The following PPP2R5E variants were observed in gnomAD, a reference collection of about 807,000 sequenced individuals.
PPP2R5E encodes the protein protein phosphatase 2 regulatory subunit B'epsilon, also known as serine/threonine-protein phosphatase 2A 56 kDa regulatory subunit epsilon isoform.
A neutral mutation model predicts 65.3 loss-of-function variants in PPP2R5E; 4 were observed. The ratio of observed to expected loss-of-function variants is 0.06; its 90% CI spans 0.03 to 0.14. PPP2R5E has a LOEUF of 0.14. Among genes scored for constraint, PPP2R5E ranks in the 10% least tolerant of loss-of-function variants. The pLI is 1.00. For missense variants in PPP2R5E, 274 were observed against 556.1 expected (o/e 0.49, Z 5.10); for synonymous variants, 183 against 187.4 (o/e 0.98, Z 0.19).
chr14:63,522,043 G>C (rs1384709186), intron 2 of PPP2R5E, among the ~76,000 whole-genome samples: 1 of 142,896 alleles, frequency 7.0e-6, no homozygotes, highest in African/African-American at 2.6e-5. Context: ...CAACCTCCCT[G>C]CCTGATTCTC....
rs541647354 is a variant in PPP2R5E, at chr14:63,526,779, ACTC to A, written c.157+12747_157+12749del. On this transcript the variant is annotated intron_variant, in intron 2 of 13. Transcript: ENST00000337537. ...GCCATGCTTCCCAGGCTGGTCTTGA[ACTC>A]CTGGGCTCAAGCGATCCTCCCACCT... Among the ~76,000 whole-genome samples, 3 of 151,978 alleles carry A rather than the reference ACTC, an allele frequency of 2.0e-5. No individual in the cohort carries two copies. In the South Asian group the frequency reaches 6.2e-4, roughly 32 times the overall value.
chr14:63,467,711 G>A (rs895353886), intron 2 of PPP2R5E, among the ~76,000 whole-genome samples: 2 of 152,196 alleles, frequency 1.3e-5, no homozygotes, highest in African/African-American at 4.8e-5. Flanking sequence ...AGCATAATTG[G>A]GAACTTGAAA....
intron 2 of PPP2R5E, among the ~76,000 whole-genome samples, chr14:63,490,283 AAATG>A (rs1438564715): frequency 2.0e-5 from 3 of 152,130 alleles, no homozygotes; most frequent in Non-Finnish European, 4.4e-5. Flanking sequence ...AATTAACTCA[AAATG>A]GATTAAGGAC....
At chr14:63,402,452 A>G (rs1293660970) in intron 5 of PPP2R5E, among the ~76,000 whole-genome samples, 1 of 152,222 alleles carries the variant, frequency 6.6e-6, no homozygotes, top group African/African-American at 2.4e-5. Context: ...AACATAAAAG[A>G]CCACAACAAA....
At chr14:63,446,501 T>C (rs1448980208) in intron 3 of PPP2R5E, among the ~76,000 whole-genome samples, 62 of 152,220 alleles carry the variant, frequency 4.1e-4, no homozygotes, top group Non-Finnish European at 1.5e-5. Flanking sequence ...CCTTGACCCA[T>C]GAGCTGAAGA....
intron 2 of PPP2R5E, among the ~76,000 whole-genome samples, chr14:63,531,960 C>T (rs1344156898): frequency 6.6e-6 from 1 of 151,964 alleles, no homozygotes; most frequent in Non-Finnish European, 1.5e-5. Context: ...TCTCAAAACA[C>T]ACACACACAC....
intron 11 of PPP2R5E, among the ~76,000 whole-genome samples, chr14:63,385,603 T>C (rs930868229): frequency 6.6e-6 from 1 of 152,058 alleles, no homozygotes; most frequent in Non-Finnish European, 1.5e-5. Context: ...GAGCGGCCAA[T>C]ATTTACTAAG....
At position 63,391,961 on chromosome 14, in the gene PPP2R5E, A is replaced by G. The variant is rs192959225; in HGVS notation, c.903+11T>C. 7.9e-4 allele frequency: 1,265 copies of G among 1,610,346 alleles called. 7 individuals are homozygous for G. In the Middle Eastern group the frequency reaches 0.02, roughly 25 times the overall value. ...TTCTTAAGTTTTTGAAATTATGGAA[A>G]AAAGACTTACTGGTTCTGTGAGTGA... On this transcript the variant is annotated intron_variant, in intron 9 of 13. Coordinates refer to ENST00000337537, the MANE Select transcript of PPP2R5E (RefSeq NM_006246.5).
intron 10 of PPP2R5E, among the ~76,000 whole-genome samples, chr14:63,391,550 G>C (rs1388620149): frequency 1.3e-5 from 2 of 152,086 alleles, no homozygotes; most frequent in African/African-American, 2.4e-5. Context: ...CAGCCTCCCG[G>C]GTAGCTGGGA....
At chr14:63,405,462 GA>G (rs1886013375) in intron 5 of PPP2R5E, among the ~76,000 whole-genome samples, 1 of 152,150 alleles carries the variant, frequency 6.6e-6, no homozygotes, top group South Asian at 2.1e-4. Flanking sequence ...TGATTTGCAT[GA>G]TCTGCATAAT....
chr14:63,386,828 G>A (rs1442541941), intron 11 of PPP2R5E, among the ~76,000 whole-genome samples: 1 of 151,506 alleles, frequency 6.6e-6, no homozygotes, highest in East Asian at 1.9e-4. Flanking sequence ...GGAGGCTGAG[G>A]CACAAGAATC....
chr14:63,386,357 G>A lies in PPP2R5E; in HGVS notation c.1075-1786C>T, dbSNP rs748276675. On this transcript the variant is annotated intron_variant, in intron 11 of 13. Coordinates refer to ENST00000337537, the MANE Select transcript of PPP2R5E (RefSeq NM_006246.5). ...GTTGGTACCATTACTTTTCTATTTT[G>A]TGGATGAAGAATCTGAGACTCAGAG... Among the ~76,000 whole-genome samples, 8 of 152,212 alleles carry A rather than the reference G, an allele frequency of 5.3e-5. 1 individual carries two copies. The South Asian group carries it at 8.3e-4, about 16-fold the overall frequency.
chr14:63,396,525 C>G, intron 6 of PPP2R5E, 61 bp downstream of exon 6: 1 of 1,576,274 alleles, frequency 6.3e-7, no homozygotes, highest in South Asian at 1.1e-5. Flanking sequence ...TTGAGATTTA[C>G]TTAATACTCA....
At chr14:63,377,410 T>A in intron 13 of PPP2R5E, among the ~76,000 whole-genome samples, 1 of 152,184 alleles carries the variant, frequency 6.6e-6, no homozygotes, top group South Asian at 2.1e-4. Context: ...TTAAAAGTTA[T>A]ATTAATATCT....
At chr14:63,393,219 T>C (rs1389450014) in intron 8 of PPP2R5E, among the ~76,000 whole-genome samples, 1 of 152,190 alleles carries the variant, frequency 6.6e-6, no homozygotes, top group Non-Finnish European at 1.5e-5. Flanking sequence ...TGCATTTTAT[T>C]ATATGTAATA....
At position 63,395,298 on chromosome 14, in the gene PPP2R5E, G is replaced by A. The variant is rs1885256135; in HGVS notation, c.681-13C>T. On this transcript the variant is annotated splice_polypyrimidine_tract_variant and intron_variant, in intron 6 of 13. Transcript: ENST00000337537. The stretch of plus-strand genomic sequence containing the variant: ...TTCATAAACAAACCTGAGAGAAGAG[G>A]AGAAAAGGGAGGAGAAAGGAGGAGA... The A allele has an allele frequency of 1.3e-6, 2 of 1,573,854 alleles. No homozygotes were observed. Among genetic ancestry groups the A allele is most frequent in the Non-Finnish European group, 1.7e-6 (2 of 1,149,036 alleles).
At chr14:63,505,433 C>T (rs1333353233) in intron 2 of PPP2R5E, among the ~76,000 whole-genome samples, 2 of 152,174 alleles carry the variant, frequency 1.3e-5, no homozygotes, top group Non-Finnish European at 2.9e-5. Context: ...CCCATAAACA[C>T]CATGGTCATT....
At chr14:63,413,567 T>C (rs912647409) in intron 5 of PPP2R5E, among the ~76,000 whole-genome samples, 6 of 152,112 alleles carry the variant, frequency 3.9e-5, no homozygotes, top group South Asian at 2.1e-4. Flanking sequence ...AGGGAGGGCA[T>C]AAAAATTTAG....
At chr14:63,505,357 G>A (rs553285909) in intron 2 of PPP2R5E, among the ~76,000 whole-genome samples, 1 of 152,248 alleles carries the variant, frequency 6.6e-6, no homozygotes, top group African/African-American at 2.4e-5. Flanking sequence ...GCCAAAAGCA[G>A]CTTTACACCT....
Sources: allele counts gnomAD v4.1 joint callset (sites outside exome capture counted in the v4.1 genomes callset), GRCh38; gene constraint gnomAD v4.1.1; transcripts MANE v1.5; gene names NCBI Gene and HGNC (gene_info 2026-07-23, HGNC 2026-07-21).